The following LSAMP variants were observed in gnomAD, a reference collection of about 807,000 sequenced individuals.
LSAMP encodes the protein limbic system associated membrane protein.
Under a neutral mutation model 38.6 loss-of-function variants are expected in LSAMP, and 7 were observed. The observed-to-expected ratio is 0.18, with a 90% CI of 0.10 to 0.34. LSAMP has a LOEUF of 0.34. Ranked by LOEUF, LSAMP falls within the 10% of genes least tolerant of loss-of-function variation. The pLI, the probability that LSAMP is intolerant of heterozygous loss-of-function variation, is 1.00. For synonymous variants in LSAMP, 154 were observed against 166.8 expected (o/e 0.92, Z 0.59); for missense variants, 313 against 420.0 (o/e 0.75, Z 2.23).
chr3:116,437,151 T>A (rs1004574156), intron 1 of LSAMP, among the ~76,000 whole-genome samples: 2 of 151,748 alleles, frequency 1.3e-5, no homozygotes, highest in Admixed American at 6.6e-5. Flanking sequence ...CTAAATGAAG[T>A]AACTCAGGAA....
intron 2 of LSAMP, among the ~76,000 whole-genome samples, chr3:116,032,458 C>G (rs139580400): frequency 1.5e-3 from 233 of 152,158 alleles, no homozygotes; most frequent in Non-Finnish European, 2.4e-3. Context: ...AGTTCATGAC[C>G]AGTTCTTTTG....
chr3:116,172,033 C>T (rs934193275), intron 1 of LSAMP, among the ~76,000 whole-genome samples: 1 of 151,892 alleles, frequency 6.6e-6, no homozygotes, highest in Admixed American at 6.6e-5. Flanking sequence ...TTGATGAATG[C>T]ACAGTCATGT....
At chr3:115,828,485 G>A (rs1340447117) in intron 6 of LSAMP, among the ~76,000 whole-genome samples, 1 of 152,112 alleles carries the variant, frequency 6.6e-6, no homozygotes, top group African/African-American at 2.4e-5. Flanking sequence ...TCTCACAGTC[G>A]ACTGCTATGC....
Position 115,805,859 on chromosome 3 carries a change from C to T in LSAMP, c.*4458G>A, listed in dbSNP as rs1030533831. ...CAACCATGATGGAAAATTTACATCA[C>T]TGAGGCAAATGCAGTCTTTGGAGAA... On this transcript the variant is annotated 3_prime_UTR_variant, in exon 7 of 7. Coordinates refer to ENST00000490035, the MANE Select transcript of LSAMP (RefSeq NM_002338.5). 4.6e-5 allele frequency: 7 copies of T among 152,170 alleles called. No individual in the cohort carries two copies. The highest frequency in any genetic ancestry group is 4.6e-4 in the Admixed American group (7 of 15,266). The allele number at this position is 152,170 out of a possible 1,614,324, so 9.4% of individuals were successfully genotyped here.
At chr3:116,253,379 C>T (rs906617737) in intron 1 of LSAMP, among the ~76,000 whole-genome samples, 2 of 152,164 alleles carry the variant, frequency 1.3e-5, no homozygotes, top group South Asian at 2.1e-4. Flanking sequence ...TGGTTATAAA[C>T]ATCAGCTAAA....
chr3:116,353,705 T>C lies in LSAMP; in HGVS notation c.155+91172A>G, dbSNP rs532377157. 2.6e-4 allele frequency among the ~76,000 whole-genome samples: 39 copies of C among 152,180 alleles called. 2 individuals are homozygous for C. The South Asian group carries it at 6.4e-3, about 25-fold the overall frequency. ...AGGCAAAGAGTATAGGGATATTATA[T>C]AATAAAATCAAACAATTCATTTTCC... On this transcript the variant is annotated intron_variant, in intron 1 of 6. Transcript: ENST00000490035.
chr3:116,224,882 G>A (rs1270480981), intron 1 of LSAMP, among the ~76,000 whole-genome samples: 1 of 152,146 alleles, frequency 6.6e-6, no homozygotes, highest in Admixed American at 6.5e-5. Context: ...CCAGCACCTA[G>A]AACAGTAAGC....
intron 2 of LSAMP, among the ~76,000 whole-genome samples, chr3:116,064,509 A>G (rs1941649410): frequency 6.6e-6 from 1 of 152,140 alleles, no homozygotes; most frequent in African/African-American, 2.4e-5. Flanking sequence ...TCTCAAAAAA[A>G]AAAAAAAAAA....
Position 116,144,791 on chromosome 3 carries a change from C to T in LSAMP, c.156-58235G>A, listed in dbSNP as rs766015380. Among the ~76,000 whole-genome samples the T allele has an allele frequency of 2.0e-5, 3 of 151,440 alleles. 1 individual carries two copies. In the South Asian group the frequency reaches 6.2e-4, roughly 31 times the overall value. On this transcript the variant is annotated intron_variant, in intron 1 of 6. Transcript: ENST00000490035. ...ACTTTTAATTCAAATTTCCCGGGTG[C>T]TTTTGTTTGTTTCAAACTTTCTATG...
chr3:116,160,588 A>G (rs776604294), intron 1 of LSAMP, among the ~76,000 whole-genome samples: 68 of 152,180 alleles, frequency 4.5e-4, no homozygotes, highest in Non-Finnish European at 9.3e-4. Flanking sequence ...TGGGTGATGA[A>G]ATAATCAGTA....
At chr3:115,882,122 C>T (rs1333707498) in intron 3 of LSAMP, among the ~76,000 whole-genome samples, 3 of 152,084 alleles carry the variant, frequency 2.0e-5, no homozygotes, top group Non-Finnish European at 4.4e-5. Flanking sequence ...TGAGAGTTTT[C>T]CTAAGGCAAT....
chr3:116,313,520 A>G (rs2047586244), intron 1 of LSAMP, among the ~76,000 whole-genome samples: 1 of 152,188 alleles, frequency 6.6e-6, no homozygotes, highest in Non-Finnish European at 1.5e-5. Flanking sequence ...TATTCAAGTG[A>G]GGGCAAGCAC....
intron 1 of LSAMP, chr3:116,360,145 T>C (rs1315110568): frequency 6.9e-6 from 1 of 144,510 alleles, no homozygotes; most frequent in Non-Finnish European, 1.5e-5. Context: ...CAGGCCAGTG[T>C]GTGTGCGCAC....
At chr3:116,146,205 C>T (rs1164457805) in intron 1 of LSAMP, among the ~76,000 whole-genome samples, 2 of 151,838 alleles carry the variant, frequency 1.3e-5, no homozygotes, top group African/African-American at 4.8e-5. Context: ...TCTGTATTGG[C>T]CTATAAAGCC....
chr3:115,984,746 A>G (rs921115348), intron 3 of LSAMP, among the ~76,000 whole-genome samples: 1 of 152,222 alleles, frequency 6.6e-6, no homozygotes, highest in African/African-American at 2.4e-5. Flanking sequence ...TGCAGTAGAC[A>G]TAATTCATTG....
At chr3:116,327,036 G>C (rs2047783015) in intron 1 of LSAMP, among the ~76,000 whole-genome samples, 1 of 152,122 alleles carries the variant, frequency 6.6e-6, no homozygotes, top group Non-Finnish European at 1.5e-5. Flanking sequence ...TTCCAGTTAG[G>C]TTTTTCTTAG....
At chr3:115,980,106 A>G (rs1456802768) in intron 3 of LSAMP, among the ~76,000 whole-genome samples, 1 of 152,090 alleles carries the variant, frequency 6.6e-6, no homozygotes, top group African/African-American at 2.4e-5. Flanking sequence ...AAGATACCCC[A>G]TTGCATTCTG....
At chr3:116,277,902 T>A (rs2047076713) in intron 1 of LSAMP, among the ~76,000 whole-genome samples, 1 of 152,226 alleles carries the variant, frequency 6.6e-6, no homozygotes, top group Non-Finnish European at 1.5e-5. Context: ...TTGTCCTATC[T>A]TTTAGACACT....
intron 1 of LSAMP, among the ~76,000 whole-genome samples, chr3:116,263,817 T>C (rs945422185): frequency 6.6e-6 from 1 of 152,214 alleles, no homozygotes; most frequent in East Asian, 1.9e-4. Flanking sequence ...CTGTGTTGCA[T>C]CCTTTGACTT....
Sources: gnomAD v4.1 joint callset for allele counts (sites outside exome capture counted in the v4.1 genomes callset) on GRCh38, gnomAD v4.1.1 for gene constraint, MANE v1.5 for transcripts, NCBI Gene and HGNC (gene_info 2026-07-23, HGNC 2026-07-21) for gene names.